The following PIBF1 variants were observed in gnomAD, a reference collection of about 807,000 sequenced individuals.
The protein encoded by PIBF1 is progesterone immunomodulatory binding factor 1, also known as progesterone-induced-blocking factor 1.
PIBF1 carries 90 observed loss-of-function variants against 112.5 expected under a neutral mutation model. The ratio of observed to expected loss-of-function variants is 0.80; its 90% CI spans 0.67 to 0.95. The LOEUF is 0.95. Ranked by LOEUF, PIBF1 falls within the 40% of genes least tolerant of loss-of-function variation. The pLI is 0.00. For missense variants in PIBF1, 915 were observed against 852.3 expected (o/e 1.07, Z -0.92); for synonymous variants, 301 against 288.6 (o/e 1.04, Z -0.44).
At chr13:72,865,356 G>A (rs75019919) in intron 10 of PIBF1, among the ~76,000 whole-genome samples, 1,915 of 152,186 alleles carry the variant, frequency 0.013, 39 homozygotes, top group African/African-American at 0.042. Context: ...AGTTCTGGCC[G>A]TTTGACTAAA....
chr13:72,999,751 A>T (rs2043796928), intron 17 of PIBF1, among the ~76,000 whole-genome samples: 1 of 152,250 alleles, frequency 6.6e-6, no homozygotes, highest in Non-Finnish European at 1.5e-5. Context: ...TTTTAAAAAA[A>T]TGAAAGTTGC....
intron 16 of PIBF1, among the ~76,000 whole-genome samples, chr13:72,992,505 A>G (rs1007853589): frequency 2.6e-5 from 4 of 152,138 alleles, no homozygotes; most frequent in Admixed American, 1.3e-4. Context: ...ATCCACGTAC[A>G]CAGAGATTGT....
intron 5 of PIBF1, among the ~76,000 whole-genome samples, chr13:72,817,574 G>A (rs1461059475): frequency 6.6e-6 from 1 of 152,120 alleles, no homozygotes; most frequent in Admixed American, 6.6e-5. Flanking sequence ...AACTTCCTTA[G>A]AGTTTTCCTT....
chr13:72,907,309 T>A (rs930834443), intron 11 of PIBF1, among the ~76,000 whole-genome samples: 5 of 152,154 alleles, frequency 3.3e-5, no homozygotes, highest in African/African-American at 1.2e-4. Context: ...TTCTCCCTTT[T>A]TCCACATCAC....
intron 10 of PIBF1, among the ~76,000 whole-genome samples, chr13:72,863,463 A>G (rs1394923003): frequency 6.6e-6 from 1 of 151,658 alleles, no homozygotes; most frequent in African/African-American, 2.4e-5. Context: ...CATCCTGGCT[A>G]ACACGGTGAA....
intron 2 of PIBF1, among the ~76,000 whole-genome samples, chr13:72,790,065 C>T (rs2034817841): frequency 6.6e-6 from 1 of 152,118 alleles, no homozygotes; most frequent in Admixed American, 6.5e-5. Flanking sequence ...CTTTGTAGGC[C>T]ACCTATGCTC....
chr13:72,884,069 G>A (rs887606591), intron 10 of PIBF1, among the ~76,000 whole-genome samples: 2 of 152,104 alleles, frequency 1.3e-5, no homozygotes, highest in Non-Finnish European at 2.9e-5. Context: ...TTGTATGCCT[G>A]TATCAAAATA....
intron 5 of PIBF1, among the ~76,000 whole-genome samples, chr13:72,809,906 C>T (rs2035928898): frequency 1.3e-5 from 2 of 151,988 alleles, no homozygotes; most frequent in South Asian, 4.1e-4. Context: ...GATTCTTGAC[C>T]TTTAAAAGGA....
intron 6 of PIBF1, among the ~76,000 whole-genome samples, chr13:72,826,647 C>G (rs2036825988): frequency 6.6e-6 from 1 of 151,604 alleles, no homozygotes; most frequent in Admixed American, 6.6e-5. Context: ...TTTACCTTAA[C>G]TGAACTGAAA....
intron 5 of PIBF1, among the ~76,000 whole-genome samples, chr13:72,798,578 T>C (rs1230588544): frequency 6.6e-6 from 1 of 152,190 alleles, no homozygotes; most frequent in East Asian, 1.9e-4. Context: ...ATTTTCAAAA[T>C]TATCTCAGCC....
chr13:72,971,297 C>T (rs184180388), intron 15 of PIBF1, among the ~76,000 whole-genome samples: 100 of 151,886 alleles, frequency 6.6e-4, no homozygotes, highest in Non-Finnish European at 1.5e-5. Context: ...TAGACACATA[C>T]ATGTTCCTTA....
At chr13:72,827,591 G>GT (rs1231101626) in intron 7 of PIBF1, 142 bp from the exon 8 acceptor site, 2 of 472,552 alleles carry the variant, frequency 4.2e-6, no homozygotes, top group East Asian at 3.4e-5. Context: ...TTTTAAAAAA[G>GT]TTGCATGCTA....
intron 9 of PIBF1, among the ~76,000 whole-genome samples, chr13:72,847,738 T>A (rs1218775363): frequency 2.0e-5 from 3 of 152,238 alleles, no homozygotes; most frequent in African/African-American, 7.2e-5. Flanking sequence ...CTTTGCTTAT[T>A]TCGTTTTTAT....
chr13:72,892,492 C>A (rs1288589974), intron 10 of PIBF1, among the ~76,000 whole-genome samples: 1 of 152,022 alleles, frequency 6.6e-6, no homozygotes, highest in South Asian at 2.1e-4. Context: ...GTTTATCTTA[C>A]CTCAGAAATG....
At chr13:72,929,416 T>G (rs2041634754) in intron 13 of PIBF1, among the ~76,000 whole-genome samples, 3 of 152,048 alleles carry the variant, frequency 2.0e-5, no homozygotes, top group African/African-American at 4.8e-5. Context: ...CCTTAAAAAT[T>G]TATAAAGAGA....
At position 72,784,275 on chromosome 13, in the gene PIBF1, TAAA is replaced by T. The variant is rs5804646; in HGVS notation, c.252+573_252+575del. On this transcript the variant is annotated intron_variant, in intron 2 of 17. Transcript: ENST00000326291. ...AACATTGTGAAACCCCAGCTCTACT[TAAA>T]AAAAAAAAAAAAAAAAAATTAGCCA... Among the ~76,000 whole-genome samples the T allele has an allele frequency of 2.4e-5, 3 of 123,964 alleles. No homozygotes were observed. In the East Asian group the frequency reaches 6.9e-4, roughly 29 times the overall value. The allele number at this position is 123,964 out of a possible 152,430, so 81.3% of individuals were successfully genotyped here. A position where few individuals can be genotyped will look rare whatever the true frequency, so the allele number is the denominator to read the frequency against.
At chr13:72,791,362 A>T (rs771315890) in intron 2 of PIBF1, among the ~76,000 whole-genome samples, 2 of 152,090 alleles carry the variant, frequency 1.3e-5, no homozygotes, top group African/African-American at 4.8e-5. Flanking sequence ...CCTGAAATTC[A>T]TGTATTTTAA....
At chr13:72,939,768 C>T (rs2041963925) in intron 14 of PIBF1, among the ~76,000 whole-genome samples, 1 of 152,014 alleles carries the variant, frequency 6.6e-6, no homozygotes. Flanking sequence ...TTGCTGGGTT[C>T]ACCTTTGTTT....
At chr13:72,980,249 A>G (rs2043123528) in intron 16 of PIBF1, among the ~76,000 whole-genome samples, 1 of 152,204 alleles carries the variant, frequency 6.6e-6, no homozygotes, top group Admixed American at 6.5e-5. Context: ...GTGAGACTAT[A>G]TAGAGTAAGA....
Sources: gnomAD v4.1 joint callset for allele counts (sites outside exome capture counted in the v4.1 genomes callset) on GRCh38, gnomAD v4.1.1 for gene constraint, MANE v1.5 for transcripts, NCBI Gene and HGNC (gene_info 2026-07-23, HGNC 2026-07-21) for gene names.